Variants in ZNF277 observed in about 807,000 individuals in gnomAD.
The protein encoded by ZNF277 is nuclear receptor-interacting factor 4.
ZNF277 carries 55 observed loss-of-function variants against 60.7 expected under a neutral mutation model. That is an observed-to-expected ratio of 0.91 (90% CI 0.73 to 1.13). The LOEUF (loss-of-function observed/expected upper bound fraction) is 1.13. Ranked by LOEUF, ZNF277 falls within the 50% of genes most tolerant of loss-of-function variation. The pLI, the probability that ZNF277 is intolerant of heterozygous loss-of-function variation, is 0.00. For missense variants in ZNF277, 510 were observed against 523.0 expected (o/e 0.98, Z 0.24); for synonymous variants, 178 against 179.3 (o/e 0.99, Z 0.06).
At chr7:112,269,951 A>G (rs1791631704) in intron 1 of ZNF277, among the ~76,000 whole-genome samples, 2 of 152,128 alleles carry the variant, frequency 1.3e-5, no homozygotes, top group African/African-American at 4.8e-5. Context: ...ATTCCACAAA[A>G]TCACACAATA....
chr7:112,230,593 C>A (rs1822297822), intron 1 of ZNF277, among the ~76,000 whole-genome samples: 1 of 152,162 alleles, frequency 6.6e-6, no homozygotes. Context: ...AGTCACAGAT[C>A]AAGTAATTAA....
chr7:112,297,165 G>T (rs1792375533), intron 4 of ZNF277, among the ~76,000 whole-genome samples: 1 of 151,600 alleles, frequency 6.6e-6, no homozygotes. Context: ...CTGACCTCAT[G>T]ATCTGCCCAC....
intron 11 of ZNF277, among the ~76,000 whole-genome samples, chr7:112,342,122 T>TTAAC (rs1346071628): frequency 6.6e-6 from 1 of 152,204 alleles, no homozygotes; most frequent in African/African-American, 2.4e-5. Flanking sequence ...TTGAAGTTTG[T>TTAAC]TAACTTATAA....
At chr7:112,309,214 C>T (rs1372433149) in intron 4 of ZNF277, among the ~76,000 whole-genome samples, 4 of 151,946 alleles carry the variant, frequency 2.6e-5, no homozygotes, top group Non-Finnish European at 5.9e-5. Context: ...ACCCAAATGT[C>T]TCCTCCTGAT....
chr7:112,285,566 T>G (rs1489079208), intron 1 of ZNF277, among the ~76,000 whole-genome samples: 9 of 151,474 alleles, frequency 5.9e-5, no homozygotes, highest in African/African-American at 1.9e-4. Flanking sequence ...TCCCGAGTAG[T>G]TGGGATGACA....
At chr7:112,306,286 C>T (rs1250612116) in intron 4 of ZNF277, among the ~76,000 whole-genome samples, 2 of 149,672 alleles carry the variant, frequency 1.3e-5, no homozygotes, top group Non-Finnish European at 3.0e-5. Flanking sequence ...GCAATTTCAG[C>T]TCCCTGCAGC....
intron 1 of ZNF277, among the ~76,000 whole-genome samples, chr7:112,226,981 A>T (rs776088423): frequency 6.6e-6 from 1 of 152,184 alleles, no homozygotes; most frequent in Non-Finnish European, 1.5e-5. Flanking sequence ...TCTCACTTAC[A>T]TTAAATGTAG....
intron 9 of ZNF277, among the ~76,000 whole-genome samples, chr7:112,339,360 C>G (rs1793397229): frequency 6.6e-6 from 1 of 152,144 alleles, no homozygotes; most frequent in Admixed American, 6.5e-5. Context: ...GCTGTGTCAC[C>G]CAGGCTGGAG....
intron 2 of ZNF277, chr7:112,287,313 T>C: frequency 2.0e-6 from 1 of 512,116 alleles, no homozygotes; most frequent in African/African-American, 1.9e-5. Flanking sequence ...AGTTCGAGGC[T>C]GCAGTGAGTT....
intron 1 of ZNF277, among the ~76,000 whole-genome samples, chr7:112,212,343 G>A (rs574619977): frequency 6.6e-6 from 1 of 152,178 alleles, no homozygotes; most frequent in Non-Finnish European, 1.5e-5. Context: ...TATTTGACAT[G>A]GCAATGGAAA....
At chr7:112,306,796 T>C (rs892407375) in intron 4 of ZNF277, among the ~76,000 whole-genome samples, 10 of 152,072 alleles carry the variant, frequency 6.6e-5, no homozygotes, top group Non-Finnish European at 1.5e-5. Context: ...TTTAAATCTT[T>C]TAACACCAAA....
intron 8 of ZNF277, 81 bp downstream of exon 8, chr7:112,336,252 A>C: frequency 1.6e-6 from 2 of 1,288,432 alleles, no homozygotes; most frequent in Non-Finnish European, 2.1e-6. Flanking sequence ...TAAATTATGA[A>C]GCGGGAACAT....
intron 7 of ZNF277, among the ~76,000 whole-genome samples, chr7:112,334,510 C>G (rs533505547): frequency 3.9e-4 from 59 of 151,200 alleles, no homozygotes; most frequent in African/African-American, 1.4e-3. Flanking sequence ...GTGCAAATTG[C>G]TTATTTCCTA....
intron 4 of ZNF277, among the ~76,000 whole-genome samples, chr7:112,305,626 G>T (rs1388292119): frequency 1.3e-5 from 2 of 151,848 alleles, no homozygotes; most frequent in African/African-American, 2.4e-5. Flanking sequence ...GAATAAATTT[G>T]TTTTAACTGA....
chr7:112,213,828 T>A (rs1210057563), intron 1 of ZNF277, among the ~76,000 whole-genome samples: 2 of 152,214 alleles, frequency 1.3e-5, no homozygotes, highest in Non-Finnish European at 2.9e-5. Context: ...GATTTTAAAA[T>A]CAGGCCAGCT....
rs1822324340 is a variant in ZNF277, at chr7:112,231,361, T to C, written c.91+24554T>C. Among the ~76,000 whole-genome samples the C allele has an allele frequency of 2.0e-5, 3 of 152,212 alleles. No homozygotes were observed. The South Asian group carries it at 6.2e-4, about 31-fold the overall frequency. The stretch of plus-strand genomic sequence containing the variant: ...GGAAATGCTGGTTTGTCACTATAAT[T>C]TTTCTCTTATTGAAAACTTACATTC... On this transcript the variant is annotated intron_variant, in intron 1 of 11. Transcript: ENST00000361822.
intron 4 of ZNF277, among the ~76,000 whole-genome samples, chr7:112,299,379 T>G (rs1479808892): frequency 1.3e-5 from 2 of 152,192 alleles, no homozygotes; most frequent in African/African-American, 4.8e-5. Context: ...TACTAAATGG[T>G]GGCAAGAATG....
chr7:112,257,752 T>A (rs1164590742), intron 1 of ZNF277, among the ~76,000 whole-genome samples: 1 of 152,120 alleles, frequency 6.6e-6, no homozygotes, highest in Admixed American at 6.6e-5. Flanking sequence ...AAGTGGAAAA[T>A]CACTCCCAAT....
rs140300799 is a variant in ZNF277, at chr7:112,216,465, A to G, written c.91+9658A>G. Reference sequence around the variant, plus strand: ...GCTGATACTACAGGTGTGTGCCACCATGCGCAGCTAAATTTTGTATTTTTT... The same window carrying G: ...GCTGATACTACAGGTGTGTGCCACCGTGCGCAGCTAAATTTTGTATTTTTT... On this transcript the variant is annotated intron_variant, in intron 1 of 11. Transcript: ENST00000361822. 8.9e-4 allele frequency among the ~76,000 whole-genome samples: 136 copies of G among 152,238 alleles called. 1 individual carries two copies. The highest frequency in any genetic ancestry group is 1.6e-4 in the Non-Finnish European group (11 of 68,018).
Sources: gnomAD v4.1 joint callset for allele counts (sites outside exome capture counted in the v4.1 genomes callset) on GRCh38, gnomAD v4.1.1 for gene constraint, MANE v1.5 for transcripts, NCBI Gene and HGNC (gene_info 2026-07-23, HGNC 2026-07-21) for gene names.